ADGRG3: variants seen among roughly 807,000 people sequenced by gnomAD.
ADGRG3 encodes adhesion G protein-coupled receptor G3, also known as G protein-coupled receptor 97.
Under a neutral mutation model 54.3 loss-of-function variants are expected in ADGRG3, and 39 were observed. The observed-to-expected ratio is 0.72, with a 90% CI of 0.56 to 0.94. The LOEUF (loss-of-function observed/expected upper bound fraction) is 0.94, where lower values mean the gene tolerates loss of function less well. Ranked by LOEUF, ADGRG3 falls within the 40% of genes least tolerant of loss-of-function variation. The pLI is 0.00. For synonymous variants in ADGRG3, 312 were observed against 290.0 expected (o/e 1.08, Z -0.77); for missense variants, 654 against 694.6 (o/e 0.94, Z 0.66).
chr16:57,683,951 A>T lies in ADGRG3; in HGVS notation c.901A>T (p.Lys301Ter). The change falls in exon 9 of 12, where the codon AAG (lysine) becomes TAG (stop). Residue 301 changes from lysine (K) to a stop codon, truncating the protein, a stop_gained. Transcript: ENST00000333493. LOFTEE classifies it high-confidence loss of function. ...CCCCAGGCTTTCCCGGGAGAGGTTC[A>T]AGTCAGAAGATGCCCCAAAGATCCA... is the stretch of plus-strand genomic sequence containing the variant. Reference protein sequence around the residue: ...AFLRLSRERFKSEDAPKIHVA... With the variant: ...AFLRLSRERF 6.4e-7 allele frequency: 1 copy of T among 1,563,074 alleles called. No homozygotes were observed. Among genetic ancestry groups the T allele is most frequent in the Non-Finnish European group, 8.7e-7 (1 of 1,152,696 alleles).
intron 8 of ADGRG3, among the ~76,000 whole-genome samples, chr16:57,683,301 C>T (rs79397997): frequency 0.019 from 2,834 of 152,228 alleles, 135 homozygotes; most frequent in East Asian, 0.18. Flanking sequence ...ACTTTGGGCC[C>T]GTGTACGTTT....
Position 57,680,254 on chromosome 16 carries a change from C to T in ADGRG3, c.668-11C>T. ...TTCCCTTTCCCTCTGTTCCCCTGGC[C>T]TCCTCTCCAGGGACCACTGGAGACT... On this transcript the variant is annotated splice_polypyrimidine_tract_variant and intron_variant, in intron 6 of 11. Transcript: ENST00000333493. 6.4e-7 allele frequency: 1 copy of T among 1,565,534 alleles called. No homozygotes were observed.
In ADGRG3 at chr16:57,679,936, G is replaced by A; in HGVS notation, c.667+81G>A. ...ATTGTGGGGCGGGGCTAGCTCCACT[G>A]GCTGAGTCCCTCCCCTGCCTTCCTC... On this transcript the variant is annotated intron_variant, in intron 6 of 11. Coordinates refer to ENST00000333493, the MANE Select transcript of ADGRG3 (RefSeq NM_170776.5). The A allele has an allele frequency of 2.7e-6, 3 of 1,130,382 alleles. No individual in the cohort carries two copies. In the South Asian group the frequency reaches 3.7e-5, roughly 14 times the overall value. The allele number at this position is 1,130,382 out of a possible 1,614,324, so 70.0% of individuals were successfully genotyped here. A position where few individuals can be genotyped will look rare whatever the true frequency, so the allele number is the denominator to read the frequency against.
chr16:57,675,215 C>T (rs1464085338), intron 2 of ADGRG3, among the ~76,000 whole-genome samples: 1 of 151,632 alleles, frequency 6.6e-6, no homozygotes, highest in Non-Finnish European at 1.5e-5. Context: ...GTGGCTCGTG[C>T]CCAAAGTCAT....
intron 4 of ADGRG3, 38 bp from the exon 5 acceptor site, chr16:57,679,139 C>T: frequency 6.2e-7 from 1 of 1,611,434 alleles, no homozygotes; most frequent in Non-Finnish European, 8.5e-7. Flanking sequence ...GGGATGGCCC[C>T]TTCTGCAGCC....
intron 8 of ADGRG3, among the ~76,000 whole-genome samples, chr16:57,683,154 G>A (rs1338146894): frequency 1.3e-5 from 2 of 152,234 alleles, no homozygotes; most frequent in African/African-American, 4.8e-5. Context: ...AGTGGGAAGA[G>A]CTGACCTCTG....
At chr16:57,687,329 C>A (rs560875329) in intron 11 of ADGRG3, among the ~76,000 whole-genome samples, 10 of 152,200 alleles carry the variant, frequency 6.6e-5, no homozygotes, top group Non-Finnish European at 1.2e-4. Context: ...CAGCTCACTG[C>A]GACCTCCACC....
At chr16:57,666,693 TC>T (rs1316196849), upstream of ADGRG3, among the ~76,000 whole-genome samples, 2 of 152,054 alleles carry the variant, frequency 1.3e-5, no homozygotes, top group Admixed American at 1.3e-4. Flanking sequence ...TAGTCCCTGG[TC>T]CCCAGGGGGC....
At chr16:57,682,410 C>T (rs1597776020) in intron 8 of ADGRG3, 2 of 860,622 alleles carry the variant, frequency 2.3e-6, no homozygotes, top group Admixed American at 1.2e-4. Flanking sequence ...AGGCTGCAGC[C>T]CCAACTAGGC....
Position 57,676,217 on chromosome 16 carries a change from A to ATACT in ADGRG3, c.224_225insTACT (p.Glu75AspfsTer56). The ATACT allele has an allele frequency of 6.2e-7, 1 of 1,614,004 alleles. No homozygotes were observed. Among genetic ancestry groups the ATACT allele is most frequent in the Non-Finnish European group, 8.5e-7 (1 of 1,179,960 alleles). ...CTTTGCAGATACTGGCTAAACTACG[A>ATACT]GGCCCATCTGATGAAGGAAGGTTTG... On this transcript the variant is annotated frameshift_variant, in exon 3 of 12. Coordinates refer to ENST00000333493, the MANE Select transcript of ADGRG3 (RefSeq NM_170776.5). LOFTEE classifies it high-confidence loss of function.
At chr16:57,680,680 G>C in intron 8 of ADGRG3, 63 bp downstream of exon 8, 1 of 1,147,362 alleles carries the variant, frequency 8.7e-7, no homozygotes. Flanking sequence ...AGCAGGGCAG[G>C]GTGGGAAGCA....
intron 11 of ADGRG3, among the ~76,000 whole-genome samples, chr16:57,687,250 C>CT (rs66743360): frequency 7.9e-4 from 116 of 147,064 alleles, no homozygotes; most frequent in South Asian, 2.8e-3. Flanking sequence ...ATCTCACCAG[C>CT]TTTTTTTTTT....
rs138214334 is a variant in ADGRG3 at position 57,685,778 on chromosome 16, A to G, written c.1392A>G (p.Thr464=). ...AGATCTTCACCCTGTCCCGTGCTAC[A>G]GCGGTCAAGGAGCGGGGGAAGAACC... ...VWKIFTLSRA[T]AVKERGKNRK... The change falls in exon 11 of 12, where the codon ACA becomes ACG. Residue 464 remains threonine (T), a synonymous_variant. Transcript: ENST00000333493. The G allele has an allele frequency of 8.1e-6, 13 of 1,614,058 alleles. No homozygotes were observed. Among genetic ancestry groups the G allele is most frequent in the Middle Eastern group, 1.6e-4 (1 of 6,084 alleles).
At chr16:57,667,716 A>T (rs2048082400), upstream of ADGRG3, among the ~76,000 whole-genome samples, 2 of 152,142 alleles carry the variant, frequency 1.3e-5, no homozygotes, top group African/African-American at 4.8e-5. Flanking sequence ...CCGTCCTGTT[A>T]TCCAGGCTGG....
In ADGRG3 at chr16:57,685,877, G is replaced by C. The variant is rs150564489; in HGVS notation, c.1491G>C (p.Pro497=). ...CATGGGGGTTGGCCATCTTCACCCC[G>C]TTGGGCCTCTCCACCGTCTACATCT... The part of the protein sequence containing the change: ...GVTWGLAIFT[P]LGLSTVYIFA... Residue 497 remains proline, a synonymous_variant, in exon 11 of 12, where the codon CCG becomes CCC. Transcript: ENST00000333493. 1 of 1,613,986 alleles carries C rather than the reference G, an allele frequency of 6.2e-7. No homozygotes were observed. The highest frequency in any genetic ancestry group is 1.3e-5 in the African/African-American group (1 of 74,894).
Position 57,685,722 on chromosome 16 carries a change from G to T in ADGRG3, c.1336G>T (p.Gly446Cys), listed in dbSNP as rs1317611569. Residue 446 changes from glycine (G) to cysteine (C), a missense_variant, in exon 11 of 12, where the codon GGC (glycine) becomes TGC (cysteine). Transcript: ENST00000333493. ...HGYFLITFLFGMVVLALVVWK... is the reference protein window; with the variant it reads ...HGYFLITFLFCMVVLALVVWK... ...CTACTTCCTCATCACCTTCCTCTTT[G>T]GCATGGTGGTCCTGGCCCTGGTGGT... The T allele has an allele frequency of 3.1e-6, 5 of 1,614,090 alleles. No homozygotes were observed. The highest frequency in any genetic ancestry group is 4.2e-6 in the Non-Finnish European group (5 of 1,179,982).
upstream of ADGRG3, among the ~76,000 whole-genome samples, chr16:57,667,296 C>T (rs2048077272): frequency 6.6e-6 from 1 of 152,254 alleles, no homozygotes; most frequent in African/African-American, 2.4e-5. Context: ...AGGGGGATGC[C>T]AGCAACCACA....
At chr16:57,685,610 T>A (rs201567586) in intron 10 of ADGRG3, 33 bp from the exon 11 acceptor site, 1 of 1,608,560 alleles carries the variant, frequency 6.2e-7, no homozygotes, top group East Asian at 2.2e-5. Context: ...GAGGTACCAC[T>A]CCCAGTCCCA....
intron 1 of ADGRG3, among the ~76,000 whole-genome samples, chr16:57,669,470 G>A (rs1462427528): frequency 1.3e-5 from 2 of 152,318 alleles, no homozygotes; most frequent in East Asian, 3.9e-4. Flanking sequence ...GATGGCAGCT[G>A]TGACCAGGGC....
Sources: allele counts gnomAD v4.1 joint callset (sites outside exome capture counted in the v4.1 genomes callset), GRCh38; gene constraint gnomAD v4.1.1; transcripts MANE v1.5; gene names NCBI Gene and HGNC (gene_info 2026-07-23, HGNC 2026-07-21).